Variants in WDR49 observed in about 807,000 individuals in gnomAD.
WDR49 encodes cilia- and flagella-associated protein 337.
Under a neutral mutation model 119.5 loss-of-function variants are expected in WDR49, and 107 were observed. That is an observed-to-expected ratio of 0.90 (90% CI 0.77 to 1.05). The LOEUF is 1.05. WDR49 is among the 50% of genes least tolerant of loss of function. The probability of loss-of-function intolerance (pLI) is 0.00; values close to 1 mark genes in which losing one functional copy is unlikely to be tolerated. For missense variants in WDR49, 1,240 were observed against 1,220.5 expected (o/e 1.02, Z -0.24); for synonymous variants, 425 against 418.8 (o/e 1.01, Z -0.18).
intron 2 of WDR49, among the ~76,000 whole-genome samples, chr3:167,634,895 C>T (rs565306547): frequency 2.6e-4 from 40 of 151,826 alleles, no homozygotes; most frequent in African/African-American, 8.0e-4. Flanking sequence ...GAAACAGAAA[C>T]GACCAGTTAT....
At chr3:167,580,820 G>C (rs377416594) in intron 7 of WDR49, among the ~76,000 whole-genome samples, 1 of 152,066 alleles carries the variant, frequency 6.6e-6, no homozygotes, top group South Asian at 2.1e-4. Context: ...TTAAACCACA[G>C]TTCAGAAAGG....
Position 167,627,191 on chromosome 3 carries a change from G to A in WDR49, c.267C>T (p.Leu89=). 8.0e-7 allele frequency: 1 copy of A among 1,256,900 alleles called. No individual in the cohort carries two copies. Among genetic ancestry groups the A allele is most frequent in the Non-Finnish European group, 1.0e-6 (1 of 1,001,990 alleles). The allele number at this position is 1,256,900 out of a possible 1,614,324, so 77.9% of individuals were successfully genotyped here. A position where few individuals can be genotyped will look rare whatever the true frequency, so the allele number is the denominator to read the frequency against. Residue 89 remains leucine, a synonymous_variant, in exon 3 of 19, where the codon CTC becomes CTT. Coordinates refer to ENST00000682715, the MANE Select transcript of WDR49 (RefSeq NM_001366157.1). The stretch of plus-strand genomic sequence containing the variant: ...CTTGGGCCACATCCACTTTGTCAAA[G>A]AGCTCCCCATATTCTTCCTTCGTGC... The part of the protein sequence containing the change: ...GWGTKEEYGE[L]FDKVDVAQDG...
intron 7 of WDR49, among the ~76,000 whole-genome samples, chr3:167,580,622 T>C (rs1269771049): frequency 6.6e-6 from 1 of 152,208 alleles, no homozygotes; most frequent in Non-Finnish European, 1.5e-5. Flanking sequence ...AGCTTAGCTT[T>C]AAACCAGGTA....
intron 16 of WDR49, among the ~76,000 whole-genome samples, chr3:167,514,137 C>T (rs1560260922): frequency 1.3e-5 from 2 of 152,158 alleles, no homozygotes; most frequent in Non-Finnish European, 2.9e-5. Flanking sequence ...AATCTCCACC[C>T]AAAAACAACA....
intron 16 of WDR49, among the ~76,000 whole-genome samples, chr3:167,514,421 C>A (rs1577209285): frequency 6.6e-6 from 1 of 152,032 alleles, no homozygotes; most frequent in East Asian, 1.9e-4. Context: ...AAGAAAGAGG[C>A]CATGTACCAA....
intron 2 of WDR49, among the ~76,000 whole-genome samples, chr3:167,630,808 T>G (rs970444473): frequency 6.6e-6 from 1 of 152,156 alleles, no homozygotes; most frequent in African/African-American, 2.4e-5. Flanking sequence ...TTGTTTTATG[T>G]GTGTTTCTGT....
intron 2 of WDR49, among the ~76,000 whole-genome samples, chr3:167,649,184 C>T (rs1323399643): frequency 2.0e-5 from 3 of 151,910 alleles, no homozygotes; most frequent in East Asian, 1.9e-4. Flanking sequence ...GTATGAGACA[C>T]GTCTAGGAAG....
At chr3:167,610,257 CTT>C (rs2108313303) in intron 5 of WDR49, among the ~76,000 whole-genome samples, 1 of 152,286 alleles carries the variant, frequency 6.6e-6, no homozygotes, top group South Asian at 2.1e-4. Flanking sequence ...AATTCCAAGA[CTT>C]GACTCTTGGA....
At chr3:167,608,655 T>C (rs897595352) in intron 5 of WDR49, among the ~76,000 whole-genome samples, 1 of 152,146 alleles carries the variant, frequency 6.6e-6, no homozygotes, top group Non-Finnish European at 1.5e-5. Flanking sequence ...ATCTGATAAA[T>C]AAAAATGTTT....
At chr3:167,557,229 C>A (rs1712987112) in intron 9 of WDR49, among the ~76,000 whole-genome samples, 1 of 151,728 alleles carries the variant, frequency 6.6e-6, no homozygotes, top group African/African-American at 2.4e-5. Flanking sequence ...AAGGCATATA[C>A]CCTTTAAAAA....
At chr3:167,515,309 C>T (rs1400982275) in intron 16 of WDR49, among the ~76,000 whole-genome samples, 1 of 152,108 alleles carries the variant, frequency 6.6e-6, no homozygotes, top group African/African-American at 2.4e-5. Flanking sequence ...TGGCTTCATC[C>T]CCAGGATTCA....
upstream of WDR49, among the ~76,000 whole-genome samples, chr3:167,655,239 T>C (rs887044034): frequency 2.6e-5 from 4 of 152,138 alleles, no homozygotes; most frequent in South Asian, 4.1e-4. Context: ...GAGAACAGTA[T>C]GGGGAAACCG....
At chr3:167,617,029 G>T (rs1156782773) in intron 5 of WDR49, among the ~76,000 whole-genome samples, 1 of 152,152 alleles carries the variant, frequency 6.6e-6, no homozygotes, top group East Asian at 1.9e-4. Flanking sequence ...GAAATTGGTA[G>T]GTTTGGTTCG....
chr3:167,642,991 ACT>A (rs1005548633), intron 2 of WDR49, among the ~76,000 whole-genome samples: 4 of 151,910 alleles, frequency 2.6e-5, no homozygotes, highest in Admixed American at 2.0e-4. Context: ...GGGGCCGAAG[ACT>A]CTCTCTTACA....
At chr3:167,533,028 A>G in intron 11 of WDR49, 51 bp from the exon 12 acceptor site, 1 of 1,360,618 alleles carries the variant, frequency 7.3e-7, no homozygotes, top group Admixed American at 2.0e-5. Flanking sequence ...TAAGATAGAA[A>G]ATATGAGCAA....
In WDR49 at chr3:167,566,972, G is replaced by T. The variant is rs967823942; in HGVS notation, c.1510-6744C>A. On this transcript the variant is annotated intron_variant, in intron 8 of 18. Transcript: ENST00000682715. ...CCAAAGAGGTGGAGGAGGTGGAAAGGGAGGCAGGAGGTCAGGAGAGGTGGG... is the reference window on the plus strand; with the variant it reads ...CCAAAGAGGTGGAGGAGGTGGAAAGTGAGGCAGGAGGTCAGGAGAGGTGGG... 5 of 579,648 alleles carry T rather than the reference G, an allele frequency of 8.6e-6. No individual in the cohort carries two copies. In the African/African-American group the frequency reaches 9.5e-5, roughly 11 times the overall value. The allele number at this position is 579,648 out of a possible 1,614,324, so 35.9% of individuals were successfully genotyped here.
intron 8 of WDR49, among the ~76,000 whole-genome samples, chr3:167,564,260 A>C (rs1308059733): frequency 6.6e-6 from 1 of 152,226 alleles, no homozygotes; most frequent in South Asian, 2.1e-4. Flanking sequence ...TGCAGTTTGC[A>C]GGAAAACAAT....
intron 18 of WDR49, among the ~76,000 whole-genome samples, chr3:167,497,162 C>A (rs967356807): frequency 3.3e-5 from 5 of 152,128 alleles, no homozygotes; most frequent in African/African-American, 1.2e-4. Flanking sequence ...TTCATGGAAC[C>A]TCATTGGTGG....
chr3:167,557,752 C>CAA (rs547560541), intron 9 of WDR49, among the ~76,000 whole-genome samples: 32 of 106,042 alleles, frequency 3.0e-4, no homozygotes, highest in African/African-American at 9.8e-4. Flanking sequence ...GACTCCGTCT[C>CAA]AAAAAAAAAA....
Sources: gnomAD v4.1 joint callset for allele counts (sites outside exome capture counted in the v4.1 genomes callset) on GRCh38, gnomAD v4.1.1 for gene constraint, MANE v1.5 for transcripts, NCBI Gene and HGNC (gene_info 2026-07-23, HGNC 2026-07-21) for gene names.